CADPS: variants seen among roughly 807,000 people sequenced by gnomAD.
The protein encoded by CADPS is calcium-dependent secretion activator 1.
Under a neutral mutation model 167.3 loss-of-function variants are expected in CADPS, and 57 were observed. That is an observed-to-expected ratio of 0.34 (90% CI 0.28 to 0.42). CADPS has a LOEUF of 0.42. Ranked by LOEUF, CADPS falls within the 20% of genes least tolerant of loss-of-function variation. The probability of loss-of-function intolerance (pLI) is 1.00; values close to 1 mark genes in which losing one functional copy is unlikely to be tolerated. For missense variants in CADPS, 1,414 were observed against 1,738.1 expected, an observed-to-expected ratio of 0.81 and a Z score of 3.32; for synonymous variants, 676 against 635.3, an observed-to-expected ratio of 1.06 and a Z score of -0.96.
intron 1 of CADPS, among the ~76,000 whole-genome samples, chr3:62,788,420 G>T (rs1402844133): frequency 6.6e-6 from 1 of 152,114 alleles, no homozygotes; most frequent in Non-Finnish European, 1.5e-5. Flanking sequence ...CGAAGTCGGT[G>T]ACCCATGGAA....
intron 3 of CADPS, among the ~76,000 whole-genome samples, chr3:62,706,347 T>A (rs1264405220): frequency 1.3e-5 from 2 of 152,156 alleles, no homozygotes. Context: ...CCTATTAGCT[T>A]GCAATTACCT....
intron 6 of CADPS, among the ~76,000 whole-genome samples, chr3:62,603,760 C>T (rs2060296839): frequency 6.6e-6 from 1 of 152,126 alleles, no homozygotes; most frequent in South Asian, 2.1e-4. Context: ...AGTTTTTATA[C>T]ATTCTTGGTC....
intron 28 of CADPS, among the ~76,000 whole-genome samples, chr3:62,415,170 A>G (rs1486500412): frequency 1.3e-5 from 2 of 152,032 alleles, no homozygotes; most frequent in Admixed American, 6.6e-5. Context: ...CGAAATAGCA[A>G]TCTTGTCTCT....
chr3:62,595,634 A>ATATT (rs1190200521), intron 6 of CADPS, among the ~76,000 whole-genome samples: 3 of 152,178 alleles, frequency 2.0e-5, no homozygotes, highest in African/African-American at 7.2e-5. Context: ...TTATCTATTT[A>ATATT]TATTTATTTA....
Position 62,718,512 on chromosome 3 carries a change from A to G in CADPS, c.888+34929T>C, listed in dbSNP as rs572287066. Reference sequence around the variant, plus strand: ...CTAAGCTTCTTGTCTTCTGTAGCATAGCCAGGTGGTATTCCTAGAATGCCA... The same window carrying G: ...CTAAGCTTCTTGTCTTCTGTAGCATGGCCAGGTGGTATTCCTAGAATGCCA... On this transcript the variant is annotated intron_variant, in intron 3 of 29. Coordinates refer to ENST00000383710, the MANE Select transcript of CADPS (RefSeq NM_003716.4). Among the ~76,000 whole-genome samples, 7 of 152,310 alleles carry G rather than the reference A, an allele frequency of 4.6e-5. No individual in the cohort carries two copies. The East Asian group carries it at 1.4e-3, about 29-fold the overall frequency.
At chr3:62,757,678 G>A (rs2084322557) in intron 2 of CADPS, among the ~76,000 whole-genome samples, 1 of 152,274 alleles carries the variant, frequency 6.6e-6, no homozygotes, top group East Asian at 1.9e-4. Context: ...CCCAGCTGGT[G>A]TAACTGGTTG....
chr3:62,856,873 A>T (rs1264179989), intron 1 of CADPS, among the ~76,000 whole-genome samples: 1 of 151,884 alleles, frequency 6.6e-6, no homozygotes, highest in Admixed American at 6.6e-5. Flanking sequence ...GTAAAAAAAA[A>T]AAACACTATA....
intron 3 of CADPS, among the ~76,000 whole-genome samples, chr3:62,708,798 C>T (rs2082806107): frequency 6.6e-6 from 1 of 152,034 alleles, no homozygotes; most frequent in Admixed American, 6.5e-5. Context: ...GCAGCTGTGA[C>T]ATCTGCAGTA....
chr3:62,674,211 G>A (rs755927597), intron 3 of CADPS, among the ~76,000 whole-genome samples: 3 of 152,142 alleles, frequency 2.0e-5, no homozygotes, highest in Non-Finnish European at 4.4e-5. Flanking sequence ...GTAAATCACA[G>A]AGCTGCCCAT....
chr3:62,518,085 G>C, intron 14 of CADPS, 64 bp downstream of exon 14: 1 of 1,090,632 alleles, frequency 9.2e-7, no homozygotes, highest in Non-Finnish European at 1.4e-6. Flanking sequence ...GGAAAATTAA[G>C]TCCTTTAGTT....
At chr3:62,570,970 T>G (rs1200829267) in intron 8 of CADPS, 32 bp from the exon 9 acceptor site, 2 of 1,358,432 alleles carry the variant, frequency 1.5e-6, no homozygotes, top group Non-Finnish European at 2.1e-6. Context: ...AGAGCTGCAT[T>G]AATGCTTGAG....
intron 4 of CADPS, among the ~76,000 whole-genome samples, chr3:62,659,554 G>A (rs1360321559): frequency 6.6e-6 from 1 of 152,026 alleles, no homozygotes; most frequent in Non-Finnish European, 1.5e-5. Context: ...CTGTTTCTAT[G>A]TGTTGGCTTT....
At chr3:62,862,318 G>A (rs1162956920) in intron 1 of CADPS, among the ~76,000 whole-genome samples, 1 of 150,166 alleles carries the variant, frequency 6.7e-6, no homozygotes, top group Admixed American at 6.7e-5. Flanking sequence ...CCGGGTTCAA[G>A]TGATTCTTCT....
intron 1 of CADPS, among the ~76,000 whole-genome samples, chr3:62,773,441 CA>C (rs2089445762): frequency 6.6e-6 from 1 of 152,008 alleles, no homozygotes; most frequent in Non-Finnish European, 1.5e-5. Flanking sequence ...TTCTGAAATG[CA>C]AGTTGAAGGG....
chr3:62,688,684 T>C (rs2078542179), intron 3 of CADPS, among the ~76,000 whole-genome samples: 1 of 152,090 alleles, frequency 6.6e-6, no homozygotes. Context: ...TCATCATCTC[T>C]TGTTGCCAAA....
intron 27 of CADPS, among the ~76,000 whole-genome samples, chr3:62,443,456 T>A (rs1367073313): frequency 1.3e-5 from 2 of 152,152 alleles, no homozygotes; most frequent in Non-Finnish European, 2.9e-5. Flanking sequence ...CCTCATAGCC[T>A]AATGACATAT....
intron 1 of CADPS, among the ~76,000 whole-genome samples, chr3:62,820,557 G>A (rs1037071797): frequency 6.6e-6 from 1 of 152,016 alleles, no homozygotes; most frequent in Non-Finnish European, 1.5e-5. Flanking sequence ...ATATGAGCTC[G>A]GTAAGGACAA....
At chr3:62,432,627 T>C (rs2054209925) in intron 28 of CADPS, among the ~76,000 whole-genome samples, 1 of 152,142 alleles carries the variant, frequency 6.6e-6, no homozygotes, top group African/African-American at 2.4e-5. Context: ...ATGATGATGA[T>C]GGTGGTGGCT....
chr3:62,729,356 G>C (rs756693714), intron 3 of CADPS, among the ~76,000 whole-genome samples: 1 of 151,844 alleles, frequency 6.6e-6, no homozygotes, highest in Non-Finnish European at 1.5e-5. Context: ...AGGATAGAAG[G>C]CATTTGCAAA....
Sources: allele counts gnomAD v4.1 joint callset (sites outside exome capture counted in the v4.1 genomes callset), GRCh38; gene constraint gnomAD v4.1.1; transcripts MANE v1.5; gene names NCBI Gene and HGNC (gene_info 2026-07-23, HGNC 2026-07-21).